The following CDK15 variants were observed in gnomAD, a reference collection of about 807,000 sequenced individuals.
The protein encoded by CDK15 is cyclin dependent kinase 15.
In CDK15, 62 loss-of-function variants were observed where a neutral mutation model predicts 60.3. The observed-to-expected ratio is 1.03, with a 90% CI of 0.84 to 1.27. The LOEUF is 1.27. Among genes scored for constraint, CDK15 ranks in the 50% most tolerant of loss-of-function variants. CDK15 has a pLI of 0.00. For missense variants in CDK15, 541 were observed against 527.8 expected (o/e 1.03, Z -0.25); for synonymous variants, 194 against 195.7 (o/e 0.99, Z 0.07).
rs763045500 is a variant in CDK15, at chr2:201,833,981, C to G, written c.730+10C>G. ...AAACTGGCTGATTTTGGTAAGTCGC[C>G]CCTCGGGTCTCATTCTGGGCTGTGA... On this transcript the variant is annotated intron_variant, in intron 7 of 13. Transcript: ENST00000652192. 1 of 1,612,766 alleles carries G rather than the reference C, an allele frequency of 6.2e-7. No individual in the cohort carries two copies. The highest frequency in any genetic ancestry group is 1.1e-5 in the South Asian group (1 of 90,848).
At chr2:201,816,436 T>C (rs1047012191) in intron 4 of CDK15, among the ~76,000 whole-genome samples, 2 of 149,760 alleles carry the variant, frequency 1.3e-5, no homozygotes, top group African/African-American at 2.5e-5. Flanking sequence ...TCTGCATCCA[T>C]GTTGCTGCTA....
chr2:201,859,592 T>C (rs1018364784), intron 10 of CDK15, among the ~76,000 whole-genome samples: 1 of 152,130 alleles, frequency 6.6e-6, no homozygotes, highest in African/African-American at 2.4e-5. Context: ...CCCCCAAACT[T>C]TGAATTCAGC....
At chr2:201,855,865 G>A (rs1032514952) in intron 10 of CDK15, among the ~76,000 whole-genome samples, 2 of 137,080 alleles carry the variant, frequency 1.5e-5, no homozygotes, top group South Asian at 2.2e-4. Context: ...TGCTCTTATC[G>A]CCCAGGCTGG....
At position 201,880,053 on chromosome 2, in the gene CDK15, G is replaced by A. The variant is rs200366047; in HGVS notation, c.1084G>A (p.Asp362Asn). The A allele has an allele frequency of 1.2e-6, 2 of 1,614,084 alleles. No homozygotes were observed. The highest frequency in any genetic ancestry group is 2.2e-5 in the South Asian group (2 of 91,074). The change falls in exon 12 of 14, where the codon GAC (aspartate) becomes AAC (asparagine). Residue 362 changes from aspartate (D) to asparagine (N), a missense_variant. Physicochemically the swap from Asp to Asn is conservative, Grantham distance 23 (BLOSUM62 1). Transcript: ENST00000652192. The part of the protein sequence containing the change: ...NRLGRVPEAE[D>N]LASQMLKGFP... ...GCTGGGCAGGGTTCCTGAAGCTGAA[G>A]ACCTGGCCTCCCAGATGCTAAAAGG... is the stretch of plus-strand genomic sequence containing the variant.
At chr2:201,818,302 C>T (rs558243220) in intron 4 of CDK15, among the ~76,000 whole-genome samples, 1 of 152,104 alleles carries the variant, frequency 6.6e-6, no homozygotes, top group Non-Finnish European at 1.5e-5. Flanking sequence ...TCCTCTGGAG[C>T]CTTAAAGACA....
In CDK15 at chr2:201,890,934, G is replaced by C; in HGVS notation, c.*33+7G>C. On this transcript the variant is annotated splice_region_variant and intron_variant, in intron 13 of 13. Coordinates refer to ENST00000652192, the MANE Select transcript of CDK15 (RefSeq NM_001366386.2). ...ATCACCAAGGTTCTTCCAGGTAAGT[G>C]GTTGCAACAGTGAGGTTCCTTATGG... 1 of 1,466,802 alleles carries C rather than the reference G, an allele frequency of 6.8e-7. No homozygotes were observed. The highest frequency in any genetic ancestry group is 1.2e-5 in the South Asian group (1 of 86,490). The allele number at this position is 1,466,802 out of a possible 1,614,324, so 90.9% of individuals were successfully genotyped here. A position where few individuals can be genotyped will look rare whatever the true frequency, so the allele number is the denominator to read the frequency against.
chr2:201,844,338 C>T (rs889944989), intron 8 of CDK15, among the ~76,000 whole-genome samples: 3 of 152,126 alleles, frequency 2.0e-5, no homozygotes, highest in Non-Finnish European at 4.4e-5. Flanking sequence ...TTGGTGGTGC[C>T]CACTAACTAG....
intron 6 of CDK15, among the ~76,000 whole-genome samples, chr2:201,830,560 G>A (rs191484485): frequency 5.3e-5 from 8 of 152,266 alleles, no homozygotes; most frequent in Non-Finnish European, 8.8e-5. Context: ...GTGTGACCAC[G>A]GGAGTTAGTG....
chr2:201,849,289 A>G (rs1350661912), intron 9 of CDK15, among the ~76,000 whole-genome samples: 2 of 152,254 alleles, frequency 1.3e-5, no homozygotes, highest in African/African-American at 4.8e-5. Flanking sequence ...AAATTGTTGT[A>G]CAGATGTTTC....
chr2:201,870,126 T>A (rs989717007), intron 10 of CDK15, among the ~76,000 whole-genome samples: 102 of 152,356 alleles, frequency 6.7e-4, no homozygotes, highest in African/African-American at 2.3e-3. Context: ...CTACAACTCT[T>A]AGCACTATGA....
chr2:201,891,120 C>T (rs145378849), intron 13 of CDK15, among the ~76,000 whole-genome samples, 193 bp downstream of exon 13: 47 of 152,354 alleles, frequency 3.1e-4, no homozygotes, highest in Non-Finnish European at 6.2e-4. Context: ...TAATTACATG[C>T]ATTGCCTTTC....
intron 10 of CDK15, among the ~76,000 whole-genome samples, chr2:201,866,030 G>GTGTGTGTGTGTC (rs1698619352): frequency 6.6e-6 from 1 of 151,508 alleles, no homozygotes; most frequent in African/African-American, 2.4e-5. Context: ...GTGTGTGTGT[G>GTGTGTGTGTGTC]TGTGTGTGTG....
Position 201,836,016 on chromosome 2 carries a change from T to A in CDK15, c.851+253T>A, listed in dbSNP as rs55820530. On this transcript the variant is annotated intron_variant, in intron 8 of 13. Transcript: ENST00000652192. ...TTTATATATATTTATATTTTTATATTTTTATATATTTATATATATTTTATA... is the reference window on the plus strand; with the variant it reads ...TTTATATATATTTATATTTTTATATATTTATATATTTATATATATTTTATA... Among the ~76,000 whole-genome samples, 371 of 121,450 alleles carry A rather than the reference T, an allele frequency of 3.1e-3. 3 individuals carry two copies. The highest frequency in any genetic ancestry group is 0.01 in the African/African-American group (332 of 32,048). 79.7% of individuals were successfully genotyped at this position (121,450 alleles called of 152,430 possible). A position where few individuals can be genotyped will look rare whatever the true frequency, so the allele number is the denominator to read the frequency against.
At chr2:201,851,240 C>T (rs1292960098) in intron 9 of CDK15, among the ~76,000 whole-genome samples, 5 of 130,982 alleles carry the variant, frequency 3.8e-5, no homozygotes, top group Non-Finnish European at 6.1e-5. Flanking sequence ...TGCAGTGAGA[C>T]GAGATCGTGC....
intron 6 of CDK15, among the ~76,000 whole-genome samples, chr2:201,831,973 A>G (rs1297026898): frequency 1.3e-5 from 2 of 151,676 alleles, no homozygotes; most frequent in East Asian, 3.9e-4. Flanking sequence ...TGTATCCCTC[A>G]CTGGTCACCA....
In CDK15 at chr2:201,819,800, C is replaced by G. The variant is rs148979375; in HGVS notation, c.449-3009C>G. 2.0e-5 allele frequency among the ~76,000 whole-genome samples: 3 copies of G among 152,278 alleles called. No homozygotes were observed. In the East Asian group the frequency reaches 5.8e-4, roughly 29 times the overall value. On this transcript the variant is annotated intron_variant, in intron 4 of 13. Coordinates refer to ENST00000652192, the MANE Select transcript of CDK15 (RefSeq NM_001366386.2). ...AATGGATGAATGGTTAAAAAGATTT[C>G]CGCAAAGAAACTGTGGGTTGAAGGT... is the stretch of plus-strand genomic sequence containing the variant.
At chr2:201,858,476 T>G (rs1305371777) in intron 10 of CDK15, among the ~76,000 whole-genome samples, 1 of 151,832 alleles carries the variant, frequency 6.6e-6, no homozygotes, top group Non-Finnish European at 1.5e-5. Flanking sequence ...CTCCCCGTTT[T>G]AAGCAAGCTG....
At chr2:201,861,039 A>C in intron 10 of CDK15, 11 of 1,148,352 alleles carry the variant, frequency 9.6e-6, no homozygotes, top group Non-Finnish European at 1.2e-5. Context: ...GCTATTAGCC[A>C]AGGGAGTTAT....
At chr2:201,859,254 G>A (rs1184208869) in intron 10 of CDK15, among the ~76,000 whole-genome samples, 1 of 152,222 alleles carries the variant, frequency 6.6e-6, no homozygotes, top group Non-Finnish European at 1.5e-5. Flanking sequence ...TGGCGCTGAA[G>A]ATCCCAGAAA....
Sources: allele counts gnomAD v4.1 joint callset (sites outside exome capture counted in the v4.1 genomes callset), GRCh38; gene constraint gnomAD v4.1.1; transcripts MANE v1.5; gene names NCBI Gene and HGNC (gene_info 2026-07-23, HGNC 2026-07-21).